The following RGMB variants were observed in gnomAD, a reference collection of about 807,000 sequenced individuals.
The protein encoded by RGMB is repulsive guidance molecule B.
In RGMB, 16 loss-of-function variants were observed where a neutral mutation model predicts 26.9. The ratio of observed to expected loss-of-function variants is 0.60; its 90% CI spans 0.40 to 0.90. The LOEUF is 0.90. Among genes scored for constraint, RGMB ranks in the 40% least tolerant of loss-of-function variants. RGMB has a pLI of 0.00. For missense variants in RGMB, 512 were observed against 573.3 expected (o/e 0.89, Z 1.09); for synonymous variants, 225 against 229.3 (o/e 0.98, Z 0.17).
chr5:98,775,267 G>A (rs979772134), intron 1 of RGMB, among the ~76,000 whole-genome samples: 6 of 152,168 alleles, frequency 3.9e-5, no homozygotes, highest in Non-Finnish European at 8.8e-5. Flanking sequence ...GGTCTTTTAA[G>A]TAATGGGGGG....
intron 1 of RGMB, 141 bp from the exon 2 acceptor site, chr5:98,779,439 C>G: frequency 5.3e-6 from 4 of 757,936 alleles, no homozygotes; most frequent in Non-Finnish European, 7.8e-6. Flanking sequence ...CAATGAAACC[C>G]TGTATCTGAA....
At chr5:98,779,162 A>C (rs995865843) in intron 1 of RGMB, among the ~76,000 whole-genome samples, 4 of 152,178 alleles carry the variant, frequency 2.6e-5, no homozygotes, top group African/African-American at 9.7e-5. Context: ...TGCTTTTCCA[A>C]TGCTTTCTGA....
chr5:98,789,327 G>A (rs747496167), intron 2 of RGMB, among the ~76,000 whole-genome samples: 40 of 152,296 alleles, frequency 2.6e-4, no homozygotes, highest in Non-Finnish European at 4.7e-4. Flanking sequence ...AGTAGTCAAG[G>A]TGCACAGCCA....
At chr5:98,789,761 C>T (rs1051958981) in intron 2 of RGMB, among the ~76,000 whole-genome samples, 1 of 152,020 alleles carries the variant, frequency 6.6e-6, no homozygotes, top group African/African-American at 2.4e-5. Flanking sequence ...ACAGAAATGC[C>T]ATCTATCAAT....
intron 1 of RGMB, among the ~76,000 whole-genome samples, chr5:98,777,970 A>G (rs1189952773): frequency 1.3e-5 from 2 of 152,214 alleles, no homozygotes; most frequent in African/African-American, 2.4e-5. Context: ...CTTTCTCTGT[A>G]TTTAGCCCTC....
At chr5:98,776,881 G>C (rs1746431110) in intron 1 of RGMB, among the ~76,000 whole-genome samples, 1 of 152,224 alleles carries the variant, frequency 6.6e-6, no homozygotes, top group Non-Finnish European at 1.5e-5. Context: ...GAGGTTGGGA[G>C]TTCAAGACCT....
chr5:98,774,035 C>A lies in RGMB; in HGVS notation c.-36C>A. ...ACCCGCCACGGCGCCCGCGCCGCCG[C>A]CCTCGCCGGAGCCCACGAGACCTGC... On this transcript the variant is annotated 5_prime_UTR_variant, in exon 1 of 3. Transcript: ENST00000513185. 1 of 740,068 alleles carries A rather than the reference C, an allele frequency of 1.4e-6. No homozygotes were observed. Among genetic ancestry groups the A allele is most frequent in the Non-Finnish European group, 2.2e-6 (1 of 450,742 alleles). 45.8% of individuals were successfully genotyped at this position (740,068 alleles called of 1,614,324 possible). A position where few individuals can be genotyped will look rare whatever the true frequency, so the allele number is the denominator to read the frequency against.
intron 2 of RGMB, among the ~76,000 whole-genome samples, chr5:98,786,973 T>C (rs1457344008): frequency 1.3e-5 from 2 of 152,184 alleles, no homozygotes; most frequent in Admixed American, 6.5e-5. Context: ...TAGGATGATA[T>C]GACACCATCT....
At chr5:98,781,097 G>A (rs921693260) in intron 2 of RGMB, 4 of 152,218 alleles carry the variant, frequency 2.6e-5, no homozygotes, top group South Asian at 2.1e-4. Context: ...AAATACTTAC[G>A]ACTGTTCTCT....
chr5:98,793,319 C>T lies in RGMB; in HGVS notation c.880C>T (p.Arg294Cys), dbSNP rs1184192871. ...QVGRYLTLAI[R>C]MPEDLAMSYE... ...GGGTCGCTACCTGACCCTTGCCATC[C>T]GTATGCCTGAAGACCTGGCCATGTC... Residue 294 changes from arginine (R) to cysteine (C), a missense_variant, in exon 3 of 3, where the codon CGT becomes TGT. Transcript: ENST00000513185. 8.7e-6 allele frequency: 14 copies of T among 1,613,822 alleles called. No homozygotes were observed. Among genetic ancestry groups the T allele is most frequent in the East Asian group, 4.5e-5 (2 of 44,884 alleles).
At chr5:98,769,918 G>C (rs1009984482), upstream of RGMB, 5 of 152,636 alleles carry the variant, frequency 3.3e-5, no homozygotes, top group African/African-American at 1.2e-4. Context: ...CGCACCCGCT[G>C]TGTGCAGGGC....
intron 1 of RGMB, 131 bp from the exon 2 acceptor site, chr5:98,779,449 A>C (rs1746516663): frequency 1.2e-6 from 1 of 855,802 alleles, no homozygotes; most frequent in Non-Finnish European, 1.7e-6. Context: ...CTGTATCTGA[A>C]GGCTTCTTAA....
intron 2 of RGMB, chr5:98,780,303 A>G (rs1398612748): frequency 2.0e-6 from 1 of 506,898 alleles, no homozygotes; most frequent in Admixed American, 3.6e-5. Flanking sequence ...AGACAGTGAT[A>G]TAAAGAATAA....
intron 1 of RGMB, among the ~76,000 whole-genome samples, chr5:98,777,847 A>T (rs1181641726): frequency 6.6e-6 from 1 of 152,168 alleles, no homozygotes; most frequent in Non-Finnish European, 1.5e-5. Context: ...TGATTTGATG[A>T]TTGCTGTAAA....
At chr5:98,774,444 G>C (rs929362736) in intron 1 of RGMB, among the ~76,000 whole-genome samples, 1 of 152,180 alleles carries the variant, frequency 6.6e-6, no homozygotes, top group African/African-American at 2.4e-5. Flanking sequence ...CCTTCGGCTC[G>C]GACCGCTGAC....
In RGMB at chr5:98,795,356, T is replaced by G. The variant is rs1409493713; in HGVS notation, c.*1603T>G. On this transcript the variant is annotated 3_prime_UTR_variant, in exon 3 of 3. Transcript: ENST00000513185. ...TGCTTAGTTTTAGTTCTCCAGGTAG[T>G]TACTTTTGCCATGTCCTATTGATCA... The G allele has an allele frequency of 6.6e-6, 1 of 152,240 alleles. No individual in the cohort carries two copies. Among genetic ancestry groups the G allele is most frequent in the East Asian group, 1.9e-4 (1 of 5,206 alleles). The allele number at this position is 152,240 out of a possible 1,614,324, so 9.4% of individuals were successfully genotyped here. A position where few individuals can be genotyped will look rare whatever the true frequency, so the allele number is the denominator to read the frequency against.
intron 1 of RGMB, among the ~76,000 whole-genome samples, chr5:98,777,685 TGAG>T (rs1746461264): frequency 6.6e-6 from 1 of 152,242 alleles, no homozygotes; most frequent in South Asian, 2.1e-4. Flanking sequence ...TGGTTTGATT[TGAG>T]TTCTAGTGAA....
At chr5:98,784,757 C>T (rs1746719043) in intron 2 of RGMB, among the ~76,000 whole-genome samples, 1 of 152,158 alleles carries the variant, frequency 6.6e-6, no homozygotes, top group South Asian at 2.1e-4. Flanking sequence ...TTATGGAAAC[C>T]ATGTGAGCTA....
In RGMB at chr5:98,793,485, A is replaced by G. The variant is rs1372505873; in HGVS notation, c.1046A>G (p.Tyr349Cys). The G allele has an allele frequency of 6.2e-7, 1 of 1,613,448 alleles. No homozygotes were observed. The highest frequency in any genetic ancestry group is 2.2e-5 in the East Asian group (1 of 44,882). ...RTSLVQAWPG[Y>C]TLETANTQCH... Reference sequence around the variant, plus strand: ...TCCTTGGTGCAGGCCTGGCCTGGCTACACACTGGAGACTGCCAACACTCAA... The same window carrying G: ...TCCTTGGTGCAGGCCTGGCCTGGCTGCACACTGGAGACTGCCAACACTCAA... The change falls in exon 3 of 3, where the codon TAC becomes TGC. Residue 349 changes from tyrosine to cysteine, a missense_variant. Physicochemically the swap from Tyr to Cys is radical, Grantham distance 194. Transcript: ENST00000513185.
Sources: gnomAD v4.1 joint callset for allele counts (sites outside exome capture counted in the v4.1 genomes callset) on GRCh38, gnomAD v4.1.1 for gene constraint, MANE v1.5 for transcripts, NCBI Gene and HGNC (gene_info 2026-07-23, HGNC 2026-07-21) for gene names.